The following PRKG2 variants were observed in gnomAD, a reference collection of about 807,000 sequenced individuals.
The protein encoded by PRKG2 is cGMP-dependent protein kinase 2.
PRKG2 carries 33 observed loss-of-function variants against 97.2 expected under a neutral mutation model. The ratio of observed to expected loss-of-function variants is 0.34; its 90% confidence interval spans 0.26 to 0.45. The LOEUF is 0.45. Among genes scored for constraint, PRKG2 ranks in the 20% least tolerant of loss-of-function variants. The pLI is 1.00. For missense variants in PRKG2, 638 were observed against 900.0 expected (o/e 0.71, Z 3.73); for synonymous variants, 330 against 321.8 (o/e 1.03, Z -0.27).
chr4:81,176,090 T>C (rs1578472299), intron 2 of PRKG2: 1 of 152,274 alleles, frequency 6.6e-6, no homozygotes, highest in East Asian at 1.9e-4. Flanking sequence ...CATCATATCT[T>C]TAGGCTACAT....
chr4:81,171,649 T>G, intron 4 of PRKG2, 42 bp downstream of exon 4: 3 of 1,485,064 alleles, frequency 2.0e-6, no homozygotes, highest in Non-Finnish European at 2.8e-6. Flanking sequence ...ATCTTTAACA[T>G]GCCACAACAA....
At chr4:81,091,966 A>G (rs1307727638) in intron 18 of PRKG2, among the ~76,000 whole-genome samples, 1 of 152,202 alleles carries the variant, frequency 6.6e-6, no homozygotes, top group East Asian at 1.9e-4. Flanking sequence ...TCTCACTAAT[A>G]TTTTATATTG....
At chr4:81,128,386 G>C (rs559654013) in intron 14 of PRKG2, among the ~76,000 whole-genome samples, 1 of 152,258 alleles carries the variant, frequency 6.6e-6, no homozygotes, top group Non-Finnish European at 1.5e-5. Flanking sequence ...CTATTGTTTG[G>C]AATAGTTTCA....
At chr4:81,102,662 C>A (rs1422450271) in intron 17 of PRKG2, among the ~76,000 whole-genome samples, 1 of 152,152 alleles carries the variant, frequency 6.6e-6, no homozygotes, top group Non-Finnish European at 1.5e-5. Context: ...TGTTTCCTCC[C>A]TCCCTTTCTT....
At chr4:81,129,078 T>C (rs1745892665) in intron 14 of PRKG2, among the ~76,000 whole-genome samples, 1 of 152,212 alleles carries the variant, frequency 6.6e-6, no homozygotes, top group Non-Finnish European at 1.5e-5. Context: ...ATTTACCCAG[T>C]AGTCATTCAG....
chr4:81,143,827 C>G (rs1747537913), intron 10 of PRKG2, among the ~76,000 whole-genome samples: 1 of 151,950 alleles, frequency 6.6e-6, no homozygotes, highest in African/African-American at 2.4e-5. Flanking sequence ...AGAGACCTAC[C>G]CAACCCCCTC....
At chr4:81,103,745 T>A (rs1743043460) in intron 17 of PRKG2, among the ~76,000 whole-genome samples, 1 of 152,084 alleles carries the variant, frequency 6.6e-6, no homozygotes, top group African/African-American at 2.4e-5. Context: ...CAAAAATACA[T>A]ACTAGGATCA....
chr4:81,160,043 G>A (rs896964494), intron 6 of PRKG2, among the ~76,000 whole-genome samples: 6 of 151,696 alleles, frequency 4.0e-5, no homozygotes, highest in Admixed American at 3.9e-4. Context: ...GCACCAGCAT[G>A]GCACATGTAT....
intron 2 of PRKG2, among the ~76,000 whole-genome samples, chr4:81,189,066 T>TTA (rs1560615683): frequency 2.2e-3 from 38 of 17,056 alleles, no homozygotes; most frequent in Non-Finnish European, 2.9e-3. Flanking sequence ...AAAAAAATAA[T>TTA]AAAAAAAAAA....
At chr4:81,184,226 A>G (rs985706443) in intron 2 of PRKG2, among the ~76,000 whole-genome samples, 2 of 152,200 alleles carry the variant, frequency 1.3e-5, no homozygotes, top group African/African-American at 4.8e-5. Flanking sequence ...AGGGGTCGAC[A>G]GACACCTCAT....
At chr4:81,111,431 TATATC>T (rs1304775623) in intron 14 of PRKG2, among the ~76,000 whole-genome samples, 2 of 151,070 alleles carry the variant, frequency 1.3e-5, no homozygotes, top group African/African-American at 2.5e-5. Context: ...TGATTAATAT[TATATC>T]ATGTTATACA....
At chr4:81,156,804 C>G (rs1458992607) in intron 6 of PRKG2, among the ~76,000 whole-genome samples, 2 of 152,188 alleles carry the variant, frequency 1.3e-5, no homozygotes, top group Non-Finnish European at 2.9e-5. Context: ...TACATGGAAA[C>G]TGAACAACCT....
At chr4:81,189,054 T>TAAAAAAAAA (rs1462589613) in intron 2 of PRKG2, among the ~76,000 whole-genome samples, 1 of 10,794 alleles carries the variant, frequency 9.3e-5, no homozygotes, top group Non-Finnish European at 1.5e-4. Flanking sequence ...AAAAAAAGAT[T>TAAAAAAAAA]AAAAAAAATA....
rs1750495381 is a variant in PRKG2 at position 81,171,746 on chromosome 4, G to A, written c.687C>T (p.Thr229=). The A allele has an allele frequency of 6.2e-7, 1 of 1,610,942 alleles. No individual in the cohort carries two copies. Among genetic ancestry groups the A allele is most frequent in the Non-Finnish European group, 8.5e-7 (1 of 1,178,502 alleles). The change falls in exon 4 of 19, where the codon ACC becomes ACT. Residue 229 remains threonine, a synonymous_variant. Coordinates refer to ENST00000264399, the MANE Select transcript of PRKG2 (RefSeq NM_006259.3). ...ATAAAATGGCAAGCTCCCCAAATGT[G>A]GTCCACATAGGGATGGAGGACAGCA... ...EKLLSSIPMW[T]TFGELAILYN... is the part of the protein sequence containing the mutation.
intron 2 of PRKG2, among the ~76,000 whole-genome samples, chr4:81,193,834 A>ACTCCAT (rs1752767494): frequency 6.6e-6 from 1 of 152,092 alleles, no homozygotes; most frequent in African/African-American, 2.4e-5. Flanking sequence ...ACAGAGCAAA[A>ACTCCAT]CTCCATCTCA....
At chr4:81,117,549 TAAG>T (rs1475900308) in intron 14 of PRKG2, among the ~76,000 whole-genome samples, 1 of 152,178 alleles carries the variant, frequency 6.6e-6, no homozygotes, top group Non-Finnish European at 1.5e-5. Context: ...ATTAATACAC[TAAG>T]ATAAAATATC....
intron 17 of PRKG2, among the ~76,000 whole-genome samples, chr4:81,094,496 A>C (rs1174882705): frequency 6.6e-6 from 1 of 152,286 alleles, no homozygotes; most frequent in South Asian, 2.1e-4. Context: ...GGAAGGTTTT[A>C]AGATGTTTTT....
chr4:81,188,259 A>C (rs986209183), intron 2 of PRKG2, among the ~76,000 whole-genome samples: 1 of 151,000 alleles, frequency 6.6e-6, no homozygotes, highest in African/African-American at 2.5e-5. Context: ...GCAGCCAAAA[A>C]ACACATGAAA....
Position 81,110,519 on chromosome 4 carries a change from G to A in PRKG2, c.1869C>T (p.Leu623=). The A allele has an allele frequency of 6.2e-7, 1 of 1,612,418 alleles. No individual in the cohort carries two copies. Among genetic ancestry groups the A allele is most frequent in the Non-Finnish European group, 8.5e-7 (1 of 1,179,902 alleles). The change falls in exon 15 of 19, where the codon CTC becomes CTT. Residue 623 remains leucine (L), a synonymous_variant. Transcript: ENST00000264399. Reference sequence around the variant, plus strand: ...CCACACTGAAGTCATGTCCCTTGTTGAGAATGACTTCAGGAGCTACATATT... The same window carrying A: ...CCACACTGAAGTCATGTCCCTTGTTAAGAATGACTTCAGGAGCTACATATT... The part of the protein sequence containing the change: ...TPEYVAPEVI[L]NKGHDFSVDF...
Sources: gnomAD v4.1 joint callset for allele counts (sites outside exome capture counted in the v4.1 genomes callset) on GRCh38, gnomAD v4.1.1 for gene constraint, MANE v1.5 for transcripts, NCBI Gene and HGNC (gene_info 2026-07-23, HGNC 2026-07-21) for gene names.